The following SH3RF1 variants were observed in gnomAD, a reference collection of about 807,000 sequenced individuals.
SH3RF1 encodes the protein E3 ubiquitin-protein ligase SH3RF1.
SH3RF1 carries 32 observed loss-of-function variants against 74.0 expected under a neutral mutation model. The observed-to-expected ratio is 0.43, with a 90% CI of 0.33 to 0.58. The LOEUF (loss-of-function observed/expected upper bound fraction) is 0.58, where lower values mean the gene tolerates loss of function less well. Among genes scored for constraint, SH3RF1 ranks in the 20% least tolerant of loss-of-function variants. SH3RF1 has a pLI of 0.05. For synonymous variants in SH3RF1, 396 were observed against 439.6 expected (o/e 0.90, Z 1.24); for missense variants, 954 against 1,130.9 (o/e 0.84, Z 2.24).
intron 2 of SH3RF1, among the ~76,000 whole-genome samples, chr4:169,208,109 C>T (rs964400776): frequency 1.3e-5 from 2 of 151,588 alleles, no homozygotes; most frequent in African/African-American, 2.4e-5. Context: ...TACGTGGAAA[C>T]GTAAAGATTG....
chr4:169,100,097 C>T (rs1732993774), intron 11 of SH3RF1, among the ~76,000 whole-genome samples: 1 of 152,188 alleles, frequency 6.6e-6, no homozygotes, highest in Admixed American at 6.5e-5. Context: ...GACCAACAAA[C>T]AGATGTAAGG....
intron 2 of SH3RF1, among the ~76,000 whole-genome samples, chr4:169,199,934 A>T (rs1413644331): frequency 6.6e-6 from 1 of 152,178 alleles, no homozygotes; most frequent in Admixed American, 6.5e-5. Context: ...GCTCTTTATA[A>T]GAGGCACACC....
At chr4:169,206,031 C>T (rs1420410572) in intron 2 of SH3RF1, among the ~76,000 whole-genome samples, 1 of 152,168 alleles carries the variant, frequency 6.6e-6, no homozygotes, top group Non-Finnish European at 1.5e-5. Flanking sequence ...AAATGGAATA[C>T]ATAGTGATAA....
intron 8 of SH3RF1, 47 bp from the exon 9 acceptor site, chr4:169,117,829 T>A (rs763050842): frequency 3.8e-6 from 6 of 1,573,574 alleles, no homozygotes. Context: ...ATCAGCAAAA[T>A]GACAGAAAGA....
At chr4:169,180,728 T>C (rs1376314909) in intron 2 of SH3RF1, among the ~76,000 whole-genome samples, 2 of 152,222 alleles carry the variant, frequency 1.3e-5, no homozygotes, top group Non-Finnish European at 2.9e-5. Context: ...ATTATATTTA[T>C]ATCAGATTAC....
Position 169,107,022 on chromosome 4 carries a change from C to G in SH3RF1, c.2323G>C (p.Val775Leu), listed in dbSNP as rs763005689. The G allele has an allele frequency of 2.5e-5, 40 of 1,613,782 alleles. No homozygotes were observed. In the Admixed American group the frequency reaches 6.7e-4, roughly 27 times the overall value. Residue 775 changes from valine to leucine, a missense_variant, in exon 11 of 12, where the codon GTG (valine) becomes CTG (leucine). By Grantham distance (32) the Val-to-Leu change is conservative. Transcript: ENST00000284637. ...GTCGTGACCGGTCCGTCCCCGTCCA[C>G]AGGGCAGGAGCCTGCCCTGCCATGG... ...GGHGRAGSCP[V>L]DGDGPVTTAV... is the part of the protein sequence containing the mutation.
chr4:169,142,192 A>G (rs1438695294), intron 4 of SH3RF1, among the ~76,000 whole-genome samples: 1 of 151,074 alleles, frequency 6.6e-6, no homozygotes, highest in Non-Finnish European at 1.5e-5. Context: ...CTGACCTCAG[A>G]TGATCTGCCT....
At chr4:169,112,174 G>C (rs1020476754) in intron 10 of SH3RF1, among the ~76,000 whole-genome samples, 2 of 152,126 alleles carry the variant, frequency 1.3e-5, no homozygotes, top group Non-Finnish European at 2.9e-5. Flanking sequence ...AAAATGACGA[G>C]GAAAGATAGA....
chr4:169,221,492 T>C (rs1730563724), intron 2 of SH3RF1, among the ~76,000 whole-genome samples: 2 of 152,134 alleles, frequency 1.3e-5, no homozygotes, highest in South Asian at 2.1e-4. Context: ...TAACATAAGA[T>C]ATACCATAAT....
intron 4 of SH3RF1, among the ~76,000 whole-genome samples, chr4:169,141,376 G>T (rs1259544372): frequency 6.6e-6 from 1 of 152,096 alleles, no homozygotes; most frequent in Non-Finnish European, 1.5e-5. Context: ...ATTTTATAGA[G>T]ACGTTGCCAT....
chr4:169,103,622 T>C (rs912018122), intron 11 of SH3RF1, among the ~76,000 whole-genome samples: 9 of 152,300 alleles, frequency 5.9e-5, no homozygotes, highest in Non-Finnish European at 1.2e-4. Flanking sequence ...TTTTAATTAA[T>C]CAAAAACTTT....
intron 2 of SH3RF1, among the ~76,000 whole-genome samples, chr4:169,256,356 G>A (rs953712679): frequency 1.3e-5 from 2 of 151,956 alleles, no homozygotes; most frequent in African/African-American, 4.8e-5. Context: ...TATAGATAAT[G>A]TTGCTCTCCA....
At chr4:169,146,336 TCTC>T (rs1733894104) in intron 4 of SH3RF1, among the ~76,000 whole-genome samples, 1 of 150,926 alleles carries the variant, frequency 6.6e-6, no homozygotes, top group Admixed American at 6.6e-5. Flanking sequence ...TTCAAGCAAT[TCTC>T]CTGCCTCAGC....
intron 2 of SH3RF1, among the ~76,000 whole-genome samples, chr4:169,203,652 T>C (rs926782933): frequency 7.9e-5 from 12 of 152,136 alleles, no homozygotes; most frequent in East Asian, 5.8e-4. Context: ...ATTTAAATGA[T>C]AGAAAAGAAT....
chr4:169,192,024 A>C (rs1396378634), intron 2 of SH3RF1, among the ~76,000 whole-genome samples: 2 of 152,196 alleles, frequency 1.3e-5, no homozygotes, highest in Non-Finnish European at 2.9e-5. Flanking sequence ...CAAATACCAT[A>C]AAAACAAAGA....
chr4:169,103,601 T>C (rs1211986385), intron 11 of SH3RF1, among the ~76,000 whole-genome samples: 2 of 152,228 alleles, frequency 1.3e-5, no homozygotes, highest in African/African-American at 4.8e-5. Flanking sequence ...CTAAATTCTA[T>C]ACTTGGTGGC....
Position 169,199,507 on chromosome 4 carries a change from G to A in SH3RF1, c.394-42828C>T, listed in dbSNP as rs150061269. ...GGTCCAAGCACTCCCTAAAAGCCTT[G>A]GCCCCAACATGGTAAAAGTCACTTC... is the stretch of plus-strand genomic sequence containing the variant. On this transcript the variant is annotated intron_variant, in intron 2 of 11. Transcript: ENST00000284637. 8.5e-5 allele frequency among the ~76,000 whole-genome samples: 13 copies of A among 152,144 alleles called. No individual in the cohort carries two copies. In the East Asian group the frequency reaches 1.9e-3, roughly 23 times the overall value.
intron 2 of SH3RF1, among the ~76,000 whole-genome samples, chr4:169,203,725 A>G (rs1325656774): frequency 6.6e-6 from 1 of 152,186 alleles, no homozygotes; most frequent in Non-Finnish European, 1.5e-5. Context: ...CTGGTACACA[A>G]AAATAACTGT....
At chr4:169,186,808 C>T (rs1734611812) in intron 2 of SH3RF1, among the ~76,000 whole-genome samples, 2 of 149,548 alleles carry the variant, frequency 1.3e-5, no homozygotes, top group Non-Finnish European at 3.0e-5. Context: ...AGATCGAGAC[C>T]ATCCTGGCTA....
Sources: gnomAD v4.1 joint callset for allele counts (sites outside exome capture counted in the v4.1 genomes callset) on GRCh38, gnomAD v4.1.1 for gene constraint, MANE v1.5 for transcripts, NCBI Gene and HGNC (gene_info 2026-07-23, HGNC 2026-07-21) for gene names.